Variants in YAP1 observed in about 807,000 individuals in gnomAD.
The protein encoded by YAP1 is transcriptional coactivator YAP1.
YAP1 carries 5 observed loss-of-function variants against 56.9 expected under a neutral mutation model. The ratio of observed to expected loss-of-function variants is 0.09; its 90% CI spans 0.05 to 0.18. The LOEUF (loss-of-function observed/expected upper bound fraction) is 0.18. Among genes scored for constraint, YAP1 ranks in the 10% least tolerant of loss-of-function variants. The pLI, the probability that YAP1 is intolerant of heterozygous loss-of-function variation, is 1.00. For missense variants in YAP1, 539 were observed against 651.8 expected, an observed-to-expected ratio of 0.83 and a Z score of 1.88; for synonymous variants, 265 against 248.1, an observed-to-expected ratio of 1.07 and a Z score of -0.64.
Position 102,135,669 on chromosome 11 carries a change from A to G in YAP1, c.572+21275A>G, listed in dbSNP as rs182555299. Reference sequence around the variant, plus strand: ...ACATCCCATTGTATTGGTCAGGCCAATCACCAAGACCAGAATGGATTCAAG... The same window carrying G: ...ACATCCCATTGTATTGGTCAGGCCAGTCACCAAGACCAGAATGGATTCAAG... On this transcript the variant is annotated intron_variant, in intron 2 of 8. Transcript: ENST00000282441. Among the ~76,000 whole-genome samples, 38 of 152,334 alleles carry G rather than the reference A, an allele frequency of 2.5e-4. 1 individual carries two copies. Among genetic ancestry groups the G allele is most frequent in the Admixed American group, 4.6e-4 (7 of 15,298 alleles).
chr11:102,111,212 C>T (rs1565412199), intron 1 of YAP1, 43 bp downstream of exon 1: 1 of 1,606,002 alleles, frequency 6.2e-7, no homozygotes, highest in Non-Finnish European at 8.5e-7. Flanking sequence ...TCGGGCGGGC[C>T]TCAGACCGGG....
At position 102,124,305 on chromosome 11, in the gene YAP1, G is replaced by T. The variant is rs78530681; in HGVS notation, c.572+9911G>T. 4.0e-3 allele frequency among the ~76,000 whole-genome samples: 613 copies of T among 152,086 alleles called. 3 individuals carry two copies. Among genetic ancestry groups the T allele is most frequent in the African/African-American group, 0.014 (586 of 41,494 alleles). Reference sequence around the variant, plus strand: ...CTAATTGAGTGTTTGCTTTCCTTGGGGATTTTAGTATTTTGTTCTTTATAT... The same window carrying T: ...CTAATTGAGTGTTTGCTTTCCTTGGTGATTTTAGTATTTTGTTCTTTATAT... On this transcript the variant is annotated intron_variant, in intron 2 of 8. Coordinates refer to ENST00000282441, the MANE Select transcript of YAP1 (RefSeq NM_001130145.3).
chr11:102,132,396 C>T (rs554671642), intron 2 of YAP1, among the ~76,000 whole-genome samples: 1 of 152,276 alleles, frequency 6.6e-6, no homozygotes, highest in South Asian at 2.1e-4. Flanking sequence ...TCTCAGTTTA[C>T]TTTGCATTCT....
chr11:102,112,694 AAAG>A (rs1315624183), intron 1 of YAP1: 1 of 985,202 alleles, frequency 1.0e-6, no homozygotes, highest in Non-Finnish European at 1.2e-6. Context: ...AAGGAGGAGG[AAAG>A]AAGGAAAAAC....
chr11:102,126,557 T>C (rs1244281167), intron 2 of YAP1, among the ~76,000 whole-genome samples: 1 of 152,222 alleles, frequency 6.6e-6, no homozygotes, highest in East Asian at 1.9e-4. Flanking sequence ...CCGCCATGAT[T>C]CTGAGGCCTC....
chr11:102,180,766 T>G (rs1947561350), intron 3 of YAP1, among the ~76,000 whole-genome samples: 1 of 152,016 alleles, frequency 6.6e-6, no homozygotes, highest in Non-Finnish European at 1.5e-5. Context: ...TAAAGAAATT[T>G]TTTTACTAGC....
At chr11:102,212,960 C>A (rs1425498450) in intron 6 of YAP1, among the ~76,000 whole-genome samples, 3 of 152,170 alleles carry the variant, frequency 2.0e-5, no homozygotes, top group Non-Finnish European at 2.9e-5. Flanking sequence ...TCAGAAGAAA[C>A]TTTCTGAAAC....
intron 1 of YAP1, among the ~76,000 whole-genome samples, chr11:102,113,656 G>C (rs1943103588): frequency 6.6e-6 from 1 of 152,030 alleles, no homozygotes; most frequent in African/African-American, 2.4e-5. Flanking sequence ...TTTTATCATG[G>C]TTGGAATAAA....
At chr11:102,226,110 G>A (rs967561232) in intron 7 of YAP1, among the ~76,000 whole-genome samples, 3 of 152,188 alleles carry the variant, frequency 2.0e-5, no homozygotes, top group Non-Finnish European at 2.9e-5. Context: ...CTTAGCAGCC[G>A]AATAGAGTGA....
chr11:102,211,743 A>G (rs889403297), intron 6 of YAP1, among the ~76,000 whole-genome samples: 13 of 151,610 alleles, frequency 8.6e-5, no homozygotes, highest in African/African-American at 2.7e-4. Flanking sequence ...TTGCTCTGTC[A>G]CCCAGGCTGG....
At chr11:102,157,518 C>T (rs943434718) in intron 2 of YAP1, among the ~76,000 whole-genome samples, 2 of 152,174 alleles carry the variant, frequency 1.3e-5, no homozygotes, top group Non-Finnish European at 2.9e-5. Context: ...GGCCTGACAA[C>T]AATATTAAAA....
chr11:102,164,447 A>C (rs1275432772), intron 3 of YAP1, among the ~76,000 whole-genome samples: 2 of 152,182 alleles, frequency 1.3e-5, no homozygotes, highest in Non-Finnish European at 2.9e-5. Context: ...TCTGCCCTGT[A>C]TTTATGGTTA....
intron 2 of YAP1, among the ~76,000 whole-genome samples, chr11:102,129,666 G>A (rs1410523551): frequency 1.3e-5 from 2 of 151,118 alleles, no homozygotes; most frequent in African/African-American, 4.9e-5. Context: ...TGGCTGAGAT[G>A]TGTTAGGACC....
At chr11:102,217,824 C>T (rs557464258) in intron 6 of YAP1, among the ~76,000 whole-genome samples, 47 of 152,156 alleles carry the variant, frequency 3.1e-4, no homozygotes, top group African/African-American at 9.9e-4. Flanking sequence ...CAAGTCCTCC[C>T]GAGTAGCTTG....
intron 3 of YAP1, among the ~76,000 whole-genome samples, chr11:102,166,240 A>G (rs532967695): frequency 6.6e-6 from 1 of 152,320 alleles, no homozygotes; most frequent in South Asian, 2.1e-4. Context: ...CCTGCTGATC[A>G]AGTGCTGAGG....
intron 3 of YAP1, among the ~76,000 whole-genome samples, chr11:102,173,240 A>G (rs1947024469): frequency 6.6e-6 from 1 of 152,168 alleles, no homozygotes; most frequent in Non-Finnish European, 1.5e-5. Context: ...CTCTAATACC[A>G]TATTGCTAGT....
chr11:102,162,306 G>T lies in YAP1; in HGVS notation c.573-150G>T, dbSNP rs1356939850. The T allele has an allele frequency of 6.7e-6, 4 of 598,040 alleles. No homozygotes were observed. In the East Asian group the frequency reaches 1.1e-4, roughly 16 times the overall value. 37.0% of individuals were successfully genotyped at this position (598,040 alleles called of 1,614,324 possible). ...GATTTAAGGGTGAAAAATGTCTGTTGCAGAGGGAGGCTGGTGGGAGCAGTG... is the reference window on the plus strand; with the variant it reads ...GATTTAAGGGTGAAAAATGTCTGTTTCAGAGGGAGGCTGGTGGGAGCAGTG... On this transcript the variant is annotated intron_variant, in intron 2 of 8. Transcript: ENST00000282441.
intron 2 of YAP1, among the ~76,000 whole-genome samples, chr11:102,124,435 T>C (rs1306812319): frequency 6.6e-6 from 1 of 152,198 alleles, no homozygotes; most frequent in Non-Finnish European, 1.5e-5. Context: ...CGGTCTTCAA[T>C]ATGGATGATG....
chr11:102,214,602 C>G (rs1949571059), intron 6 of YAP1, among the ~76,000 whole-genome samples: 1 of 152,068 alleles, frequency 6.6e-6, no homozygotes, highest in Non-Finnish European at 1.5e-5. Context: ...CGTTATCTTT[C>G]TCTTCGAAGT....
Sources: gnomAD v4.1 joint callset for allele counts (sites outside exome capture counted in the v4.1 genomes callset) on GRCh38, gnomAD v4.1.1 for gene constraint, MANE v1.5 for transcripts, NCBI Gene and HGNC (gene_info 2026-07-23, HGNC 2026-07-21) for gene names.